The following TJP3 variants were observed in gnomAD, a reference collection of about 807,000 sequenced individuals.
The protein encoded by TJP3 is tight junction protein ZO-3.
A neutral mutation model predicts 104.2 loss-of-function variants in TJP3; 85 were observed. That is an observed-to-expected ratio of 0.82 (90% confidence interval 0.68 to 0.98). The LOEUF (loss-of-function observed/expected upper bound fraction) is 0.98. Ranked by LOEUF, TJP3 falls within the 50% of genes least tolerant of loss-of-function variation. TJP3 has a pLI of 0.00. For missense variants in TJP3, 1,367 were observed against 1,322.8 expected (o/e 1.03, Z -0.52); for synonymous variants, 550 against 550.6 (o/e 1.00, Z 0.02).
At position 3,727,483 on chromosome 19, in the gene TJP3, C is replaced by CAAA. The variant is rs36057859; in HGVS notation, c.-9-924_-9-922dup. 2.3e-3 allele frequency among the ~76,000 whole-genome samples: 196 copies of CAAA among 86,626 alleles called. 2 individuals carry two copies. The highest frequency in any genetic ancestry group is 7.5e-3 in the African/African-American group (189 of 25,240). The allele number at this position is 86,626 out of a possible 152,430, so 56.8% of individuals were successfully genotyped here. On this transcript the variant is annotated intron_variant, in intron 1 of 20. Transcript: ENST00000541714. ...GGGCAACAAGAGCGAAACTCTGTCT[C>CAAA]AAAAAAAAAAAAAAAAAAAGAGATA...
At chr19:3,731,245 G>A (rs12459423) in intron 5 of TJP3, among the ~76,000 whole-genome samples, 14,757 of 152,228 alleles carry the variant, frequency 0.097, 1,013 homozygotes, top group South Asian at 0.25. Flanking sequence ...CACTTAGCAA[G>A]AGGGACTCAG....
chr19:3,748,159 C>G, intron 19 of TJP3, 78 bp downstream of exon 19: 2 of 1,441,126 alleles, frequency 1.4e-6, no homozygotes, highest in Non-Finnish European at 9.2e-7. Context: ...ACACTGGGAG[C>G]CTGTTTTCTA....
At chr19:3,736,437 G>C (rs2145691128) in intron 11 of TJP3, 116 bp downstream of exon 11, 1 of 1,100,124 alleles carries the variant, frequency 9.1e-7, no homozygotes, top group East Asian at 2.9e-5. Flanking sequence ...CGAGACCCCA[G>C]ATGGGTATTT....
chr19:3,733,577 T>G (rs755682755), intron 6 of TJP3, among the ~76,000 whole-genome samples, 176 bp from the exon 7 acceptor site: 18 of 152,214 alleles, frequency 1.2e-4, no homozygotes, highest in Non-Finnish European at 4.4e-5. Context: ...TGCTCAGTTC[T>G]TGGTGTGGTC....
At position 3,742,781 on chromosome 19, in the gene TJP3, C is replaced by T. The variant is rs542567059; in HGVS notation, c.1844-1158C>T. Among the ~76,000 whole-genome samples, 274 of 149,134 alleles carry T rather than the reference C, an allele frequency of 1.8e-3. 3 individuals are homozygous for T. The highest frequency in any genetic ancestry group is 6.3e-3 in the African/African-American group (253 of 40,416). ...GGGAGTTCGAGACCAGCCTGGCCAA[C>T]GTGGTGAAACCCCGTCTCTACTGAA... On this transcript the variant is annotated intron_variant, in intron 14 of 20. Coordinates refer to ENST00000541714, the MANE Select transcript of TJP3 (RefSeq NM_001267560.2).
At chr19:3,713,575 A>G (rs1010536365) in intron 1 of TJP3, among the ~76,000 whole-genome samples, 1 of 152,178 alleles carries the variant, frequency 6.6e-6, no homozygotes. Flanking sequence ...TTCAGTGAAC[A>G]AGGTTGTACT....
chr19:3,750,671 C>T lies in TJP3; in HGVS notation c.2747C>T (p.Ala916Val), dbSNP rs756728347. The T allele has an allele frequency of 5.0e-6, 8 of 1,601,186 alleles. No homozygotes were observed. In the Admixed American group the frequency reaches 8.6e-5, roughly 17 times the overall value. Reference sequence around the variant, plus strand: ...GAAGACGGCTATGACTGGGGTCCGGCCACTGACCTGTGACCTCTCGAAGGC... The same window carrying T: ...GAAGACGGCTATGACTGGGGTCCGGTCACTGACCTGTGACCTCTCGAAGGC... ...SDEDGYDWGP[A>V]TDL The change falls in exon 21 of 21, where the codon GCC (alanine) becomes GTC (valine). Residue 916 changes from alanine (A) to valine (V), a missense_variant. Transcript: ENST00000541714.
intron 19 of TJP3, 98 bp downstream of exon 19, chr19:3,748,179 C>A: frequency 7.1e-7 from 1 of 1,410,048 alleles, no homozygotes; most frequent in Non-Finnish European, 9.4e-7. Context: ...ACCAGGACGT[C>A]AACAAACACG....
intron 5 of TJP3, 145 bp from the exon 6 acceptor site, chr19:3,731,790 C>G (rs2036674695): frequency 1.7e-6 from 1 of 592,494 alleles, no homozygotes; most frequent in Admixed American, 3.2e-5. Context: ...ATCTCGGGTC[C>G]TACGGGCGAC....
At chr19:3,718,982 G>A (rs1315449080) in intron 1 of TJP3, among the ~76,000 whole-genome samples, 1 of 151,284 alleles carries the variant, frequency 6.6e-6, no homozygotes, top group Non-Finnish European at 1.5e-5. Context: ...TCAGGAGTTC[G>A]AGACCAGCCT....
At chr19:3,734,817 G>C (rs954843015) in intron 8 of TJP3, among the ~76,000 whole-genome samples, 1 of 152,166 alleles carries the variant, frequency 6.6e-6, no homozygotes, top group Non-Finnish European at 1.5e-5. Context: ...AGCCCGGCGT[G>C]GTGCCGGGTG....
chr19:3,719,553 T>G (rs1424277354), intron 1 of TJP3, among the ~76,000 whole-genome samples: 1 of 151,522 alleles, frequency 6.6e-6, no homozygotes, highest in Non-Finnish European at 1.5e-5. Context: ...CTGGCCAACA[T>G]GGGGAAACCC....
intron 1 of TJP3, among the ~76,000 whole-genome samples, chr19:3,713,669 C>A (rs998464597): frequency 1.3e-5 from 2 of 152,102 alleles, no homozygotes; most frequent in African/African-American, 4.8e-5. Context: ...TAAAGGAATT[C>A]TCTGTGTATT....
chr19:3,721,241 C>T (rs2036539347), intron 1 of TJP3, among the ~76,000 whole-genome samples: 1 of 152,070 alleles, frequency 6.6e-6, no homozygotes, highest in Non-Finnish European at 1.5e-5. Flanking sequence ...GGTGTGAAGA[C>T]AGAGCCCGCA....
At chr19:3,735,721 G>T in intron 9 of TJP3, 82 bp downstream of exon 9, 6 of 1,599,250 alleles carry the variant, frequency 3.8e-6, no homozygotes, top group South Asian at 1.1e-5. Context: ...GCTGGGGGAG[G>T]TTGGCCTGAG....
rs1393984700 is a variant in TJP3, at chr19:3,730,106, G to A, written c.237G>A (p.Lys79=). The change falls in exon 4 of 21, where the codon AAG becomes AAA. Residue 79 remains lysine (K), a synonymous_variant. Transcript: ENST00000541714. This position sits in a 1 kb window ranked among gnomAD's most constrained non-coding sequence, Gnocchi z 7.3. ...CCGCGTTTGCCATTCAGATACTCAA[G>A]ACCTGCACCAAGATGGCCAACATCG... ...ATSAFAIQIL[K]TCTKMANITV... The A allele has an allele frequency of 1.2e-6, 2 of 1,614,178 alleles. No individual in the cohort carries two copies. Among genetic ancestry groups the A allele is most frequent in the Admixed American group, 3.3e-5 (2 of 60,028 alleles).
intron 15 of TJP3, among the ~76,000 whole-genome samples, chr19:3,744,346 C>T (rs774323778): frequency 6.6e-6 from 1 of 152,148 alleles, no homozygotes; most frequent in South Asian, 2.1e-4. Flanking sequence ...GGCAAGGTCC[C>T]TTGGAGAAGA....
rs916081247 is a variant in TJP3 at position 3,748,085 on chromosome 19, C to T, written c.2610+4C>T. The stretch of plus-strand genomic sequence containing the variant: ...CTCGGCTCATCAGGGGGCCCAGGTG[C>T]GTCGGACATGGGGGGCAGGCCTGGG... On this transcript the variant is annotated splice_donor_region_variant and intron_variant, in intron 19 of 20. Coordinates refer to ENST00000541714, the MANE Select transcript of TJP3 (RefSeq NM_001267560.2). The T allele has an allele frequency of 2.0e-5, 31 of 1,550,892 alleles. No individual in the cohort carries two copies. The highest frequency in any genetic ancestry group is 2.7e-5 in the African/African-American group (2 of 73,356).
chr19:3,727,564 C>A (rs2036613785), intron 1 of TJP3, among the ~76,000 whole-genome samples: 1 of 151,590 alleles, frequency 6.6e-6, no homozygotes, highest in South Asian at 2.1e-4. Flanking sequence ...CTCATTAATT[C>A]ATTCAGCAAA....
Sources: allele counts gnomAD v4.1 joint callset (sites outside exome capture counted in the v4.1 genomes callset), GRCh38; gene constraint gnomAD v4.1.1; non-coding constraint Gnocchi (gnomAD v3.1); transcripts MANE v1.5; gene names NCBI Gene and HGNC (gene_info 2026-07-23, HGNC 2026-07-21).